RUFY4: variants seen among roughly 807,000 people sequenced by gnomAD.
RUFY4 encodes RUN and FYVE domain containing 4.
A neutral mutation model predicts 69.0 loss-of-function variants in RUFY4; 73 were observed. That is an observed-to-expected ratio of 1.06 (90% CI 0.88 to 1.29). The LOEUF is 1.29. Ranked by LOEUF, RUFY4 falls within the 50% of genes most tolerant of loss-of-function variation. The pLI, the probability that RUFY4 is intolerant of heterozygous loss-of-function variation, is 0.00. For missense variants in RUFY4, 770 were observed against 705.6 expected, an observed-to-expected ratio of 1.09 and a Z score of -1.03; for synonymous variants, 287 against 271.8, an observed-to-expected ratio of 1.06 and a Z score of -0.55.
chr2:218,073,976 T>G, intron 6 of RUFY4, 91 bp downstream of exon 8: 1 of 1,275,920 alleles, frequency 7.8e-7, no homozygotes, highest in Non-Finnish European at 1.1e-6. Context: ...CCCCTCCGAG[T>G]GTACAGAGAG....
intron 2 of RUFY4, among the ~76,000 whole-genome samples, chr2:218,050,923 G>A (rs1170355456): frequency 1.3e-5 from 2 of 152,056 alleles, no homozygotes; most frequent in Non-Finnish European, 2.9e-5. Flanking sequence ...AAAAAACAAG[G>A]TATATATAAA....
chr2:218,086,069 T>C lies in RUFY4; in HGVS notation c.1502+2813T>C, dbSNP rs577256124. On this transcript the variant is annotated intron_variant, in intron 9 of 10. Transcript: ENST00000344321. ...GCTGTCAAAAGATGAAAAACATTCTTGGAAATTAAAAATTAAATTAAAATT... is the reference window on the plus strand; with the variant it reads ...GCTGTCAAAAGATGAAAAACATTCTCGGAAATTAAAAATTAAATTAAAATT... Among the ~76,000 whole-genome samples the C allele has an allele frequency of 5.6e-4, 86 of 152,322 alleles. 1 individual carries two copies. Among genetic ancestry groups the C allele is most frequent in the African/African-American group, 1.9e-3 (79 of 41,564 alleles).
At chr2:218,056,317 A>C (rs574557862) in intron 2 of RUFY4, among the ~76,000 whole-genome samples, 1 of 151,936 alleles carries the variant, frequency 6.6e-6, no homozygotes, top group African/African-American at 2.4e-5. Context: ...CAACAGGATA[A>C]TGTTAGCCCC....
intron 2 of RUFY4, among the ~76,000 whole-genome samples, chr2:218,051,568 TAAAAA>T (rs35465389): frequency 1.7e-5 from 2 of 114,900 alleles, no homozygotes; most frequent in Non-Finnish European, 3.5e-5. Context: ...TCCAATATTT[TAAAAA>T]AAAAAAAAAA....
At chr2:218,053,382 G>C (rs376783382) in intron 2 of RUFY4, among the ~76,000 whole-genome samples, 11 of 133,726 alleles carry the variant, frequency 8.2e-5, no homozygotes, top group Middle Eastern at 4.5e-3. Flanking sequence ...GTCTCACTTT[G>C]TCACTCAGGC....
At chr2:218,039,295 C>G (rs888177561) in intron 2 of RUFY4, among the ~76,000 whole-genome samples, 1 of 152,158 alleles carries the variant, frequency 6.6e-6, no homozygotes, top group South Asian at 2.1e-4. Context: ...TGGGAAGGAA[C>G]AATGGCAGGC....
chr2:218,073,656 T>C (rs1312346748), intron 5 of RUFY4, among the ~76,000 whole-genome samples, 160 bp from the exon 8 acceptor site: 1 of 151,754 alleles, frequency 6.6e-6, no homozygotes, highest in African/African-American at 2.4e-5. Flanking sequence ...GGAGGGAAAG[T>C]ACGGATGAAT....
chr2:218,074,447 G>A (rs567761399), intron 6 of RUFY4, among the ~76,000 whole-genome samples: 6 of 152,112 alleles, frequency 3.9e-5, no homozygotes, highest in South Asian at 2.1e-4. Flanking sequence ...GGTCACCGTC[G>A]TTGTTATCAT....
At chr2:218,045,685 C>A (rs1286389325) in intron 2 of RUFY4, among the ~76,000 whole-genome samples, 1 of 152,140 alleles carries the variant, frequency 6.6e-6, no homozygotes, top group African/African-American at 2.4e-5. Flanking sequence ...GAACTTCTTA[C>A]CCAGTCCAAT....
chr2:218,068,173 A>G (rs926147026), upstream of RUFY4, among the ~76,000 whole-genome samples: 7,491 of 33,224 alleles, frequency 0.23, 167 homozygotes, highest in East Asian at 0.29. Context: ...GCAGGGGGTT[A>G]GAGGAGGGCA....
intron 3 of RUFY4, chr2:218,060,938 C>A (rs1025152707): frequency 2.2e-6 from 2 of 893,344 alleles, no homozygotes; most frequent in Non-Finnish European, 3.8e-6. Context: ...TGAACTTGAC[C>A]AAGTGGCGCT....
chr2:218,071,169 C>T (rs1689476734), intron 2 of RUFY4, among the ~76,000 whole-genome samples: 1 of 152,228 alleles, frequency 6.6e-6, no homozygotes, highest in Admixed American at 6.5e-5. Flanking sequence ...CTACTCAGAG[C>T]CCCAACTATG....
chr2:218,072,728 G>A (rs1216220795), intron 3 of RUFY4, 51 bp from the exon 6 acceptor site: 52 of 1,397,150 alleles, frequency 3.7e-5, no homozygotes, highest in Admixed American at 1.0e-4. Flanking sequence ...TGTTACCTGG[G>A]CGCCCTTTGT....
At chr2:218,055,616 T>C (rs1274812335) in intron 2 of RUFY4, among the ~76,000 whole-genome samples, 1 of 152,206 alleles carries the variant, frequency 6.6e-6, no homozygotes, top group Non-Finnish European at 1.5e-5. Flanking sequence ...GTATCTTAAA[T>C]TCTTCTGGTT....
intron 2 of RUFY4, among the ~76,000 whole-genome samples, chr2:218,054,690 T>TGATAC (rs1245069419): frequency 6.6e-6 from 1 of 152,208 alleles, no homozygotes; most frequent in African/African-American, 2.4e-5. Context: ...ATTGAATAAC[T>TGATAC]GATACAAATT....
intron 2 of RUFY4, among the ~76,000 whole-genome samples, chr2:218,049,939 G>A (rs1688908459): frequency 6.6e-6 from 1 of 152,168 alleles, no homozygotes; most frequent in African/African-American, 2.4e-5. Flanking sequence ...AGACAGGGAT[G>A]GGTCCCTGGT....
At chr2:218,039,831 G>A (rs73082322) in intron 2 of RUFY4, among the ~76,000 whole-genome samples, 1,824 of 152,326 alleles carry the variant, frequency 0.012, 33 homozygotes, top group African/African-American at 0.041. Context: ...TTGTGCAAAA[G>A]AGTAGCTAGC....
intron 7 of RUFY4, 110 bp downstream of exon 9, chr2:218,075,850 T>A (rs1329576762): frequency 1.8e-6 from 2 of 1,109,734 alleles, no homozygotes; most frequent in Non-Finnish European, 2.4e-6. Flanking sequence ...GGTCAATTTT[T>A]ATTGGCCCAC....
chr2:218,045,593 G>A (rs1161746104), intron 2 of RUFY4, among the ~76,000 whole-genome samples: 1 of 151,652 alleles, frequency 6.6e-6, no homozygotes, highest in African/African-American at 2.4e-5. Flanking sequence ...AGTTAATTTA[G>A]CCTCATCTAA....
Sources: gnomAD v4.1 joint callset for allele counts (sites outside exome capture counted in the v4.1 genomes callset) on GRCh38, gnomAD v4.1.1 for gene constraint, MANE v1.5 for transcripts, NCBI Gene and HGNC (gene_info 2026-07-23, HGNC 2026-07-21) for gene names.